Variants in KPNA6 observed in about 807,000 individuals in gnomAD.
The protein encoded by KPNA6 is karyopherin subunit alpha 6, also known as importin subunit alpha-7.
In KPNA6, 9 loss-of-function variants were observed where a neutral mutation model predicts 72.0. The observed-to-expected ratio is 0.13, with a 90% CI of 0.08 to 0.22. The LOEUF (loss-of-function observed/expected upper bound fraction) is 0.22, where lower values mean the gene tolerates loss of function less well. Ranked by LOEUF, KPNA6 falls within the 10% of genes least tolerant of loss-of-function variation. The probability of loss-of-function intolerance (pLI) is 1.00; values close to 1 mark genes in which losing one functional copy is unlikely to be tolerated. For synonymous variants in KPNA6, 219 were observed against 242.1 expected, an observed-to-expected ratio of 0.90 and a Z score of 0.89; for missense variants, 374 against 655.7, an observed-to-expected ratio of 0.57 and a Z score of 4.69.
At chr1:32,118,144 G>C (rs1392868901) in intron 1 of KPNA6, among the ~76,000 whole-genome samples, 1 of 151,798 alleles carries the variant, frequency 6.6e-6, no homozygotes, top group African/African-American at 2.4e-5. Flanking sequence ...GGCTGGTCTC[G>C]AACTCCCAAC....
chr1:32,160,140 T>C (rs1056762951), intron 6 of KPNA6, among the ~76,000 whole-genome samples: 3 of 152,110 alleles, frequency 2.0e-5, no homozygotes, highest in African/African-American at 7.2e-5. Flanking sequence ...CTACTAAAAA[T>C]ACTAAAAAGT....
chr1:32,110,298 CTGGTGATCTG>C (rs1641223725), intron 1 of KPNA6, among the ~76,000 whole-genome samples: 1 of 151,988 alleles, frequency 6.6e-6, no homozygotes, highest in Non-Finnish European at 1.5e-5. Flanking sequence ...CTCCTGACCT[CTGGTGATCTG>C]CCCGTCTCGG....
rs181228820 is a variant in KPNA6, at chr1:32,127,155, A to G, written c.4+19021A>G. 1.7e-4 allele frequency among the ~76,000 whole-genome samples: 26 copies of G among 152,312 alleles called. 1 individual carries two copies. The East Asian group carries it at 2.7e-3, about 16-fold the overall frequency. ...GCGCCATGAGAAATACCCCTGTTTTAGAGAGGCAGAAGCAAGACTAAGATA... is the reference window on the plus strand; with the variant it reads ...GCGCCATGAGAAATACCCCTGTTTTGGAGAGGCAGAAGCAAGACTAAGATA... On this transcript the variant is annotated intron_variant, in intron 1 of 13. Transcript: ENST00000373625.
chr1:32,141,770 C>T (rs1042706715), intron 1 of KPNA6, among the ~76,000 whole-genome samples: 1 of 152,010 alleles, frequency 6.6e-6, no homozygotes, highest in African/African-American at 2.4e-5. Flanking sequence ...CTTCGATTGT[C>T]GCCTTTGCCG....
chr1:32,160,534 A>G, intron 6 of KPNA6, 81 bp from the exon 7 acceptor site: 1 of 1,007,486 alleles, frequency 9.9e-7, no homozygotes, highest in South Asian at 1.3e-5. Flanking sequence ...CCTGGTGGGT[A>G]CTCACTTTGC....
chr1:32,109,743 C>T (rs1476058475), intron 1 of KPNA6, among the ~76,000 whole-genome samples: 2 of 150,344 alleles, frequency 1.3e-5, no homozygotes, highest in African/African-American at 2.4e-5. Context: ...TTCCCGGGTT[C>T]ACGCCATTCT....
rs1032259628 is a variant in KPNA6, at chr1:32,167,282, C to T, written c.1230C>T (p.Thr410=). ...TCACCAATGCCACATCAGGAGGAAC[C>T]CCTGAGCAGATCAGGTATTACATTC... ...WAITNATSGG[T]PEQIRYLVSL... Residue 410 remains threonine, a synonymous_variant, in exon 12 of 14, where the codon ACC becomes ACT. Coordinates refer to ENST00000373625, the MANE Select transcript of KPNA6 (RefSeq NM_012316.5). The T allele has an allele frequency of 1.2e-6, 2 of 1,614,000 alleles. No individual in the cohort carries two copies. Among genetic ancestry groups the T allele is most frequent in the Non-Finnish European group, 1.7e-6 (2 of 1,179,950 alleles).
chr1:32,163,678 G>A (rs1228071867), intron 10 of KPNA6, among the ~76,000 whole-genome samples: 1 of 152,162 alleles, frequency 6.6e-6, no homozygotes, highest in African/African-American at 2.4e-5. Flanking sequence ...AGATCTTTAA[G>A]GTCTCATGGA....
intron 12 of KPNA6, 27 bp downstream of exon 12, chr1:32,167,323 G>A (rs1642357882): frequency 1.9e-6 from 3 of 1,613,318 alleles, no homozygotes; most frequent in Non-Finnish European, 2.5e-6. Context: ...CCGTTGTCTT[G>A]AATGATAATG....
chr1:32,160,654 G>T lies in KPNA6; in HGVS notation c.598G>T (p.Val200Phe). 6.2e-7 allele frequency: 1 copy of T among 1,614,078 alleles called. No homozygotes were observed. Among genetic ancestry groups the T allele is most frequent in the Non-Finnish European group, 8.5e-7 (1 of 1,179,980 alleles). ...ALGNIAGDSS[V>F]CRDYVLNCSI... is the part of the protein sequence containing the mutation. ...GGGAAACATAGCTGGAGATAGCTCT[G>T]TTTGCCGAGATTACGTCTTGAACTG... The change falls in exon 7 of 14, where the codon GTT becomes TTT. Residue 200 changes from valine (V) to phenylalanine (F), a missense_variant. Physicochemically the swap from Val to Phe is conservative, Grantham distance 50 (BLOSUM62 -1). Transcript: ENST00000373625.
At chr1:32,166,029 ACAACAAC>A in intron 10 of KPNA6, 69 bp from the exon 11 acceptor site, 1 of 1,488,660 alleles carries the variant, frequency 6.7e-7, no homozygotes, top group Non-Finnish European at 9.0e-7. Context: ...AACAACAACA[ACAACAAC>A]AAAAAAACAT....
In KPNA6 at chr1:32,156,627, G is replaced by T. The variant is rs530800512; in HGVS notation, c.139-226G>T. ...GCATGCAATTTAAAACTTATGAATT[G>T]TTCATTTCTGGAATTTTCTGTGTAA... On this transcript the variant is annotated intron_variant, in intron 2 of 13. Transcript: ENST00000373625. Among the ~76,000 whole-genome samples the T allele has an allele frequency of 7.9e-5, 12 of 152,280 alleles. No homozygotes were observed. The South Asian group carries it at 2.5e-3, about 32-fold the overall frequency.
chr1:32,139,379 G>T (rs1250011871), intron 1 of KPNA6, among the ~76,000 whole-genome samples: 2 of 152,160 alleles, frequency 1.3e-5, no homozygotes, highest in African/African-American at 2.4e-5. Flanking sequence ...AACAGGAAGT[G>T]CAAAGGCTAT....
chr1:32,167,119 T>G, intron 11 of KPNA6, 50 bp from the exon 12 acceptor site: 1 of 1,599,770 alleles, frequency 6.3e-7, no homozygotes, highest in Non-Finnish European at 8.6e-7. Context: ...TTATTTATCA[T>G]GCTGAAATGA....
At chr1:32,153,661 A>T (rs1218336570) in intron 1 of KPNA6, among the ~76,000 whole-genome samples, 1 of 152,138 alleles carries the variant, frequency 6.6e-6, no homozygotes, top group South Asian at 2.1e-4. Context: ...TAATAACAAC[A>T]TGAAATCTAA....
In KPNA6 at chr1:32,144,436, A is replaced by C. The variant is rs529146291; in HGVS notation, c.5-10152A>C. Among the ~76,000 whole-genome samples, 8 of 152,324 alleles carry C rather than the reference A, an allele frequency of 5.3e-5. No individual in the cohort carries two copies. In the East Asian group the frequency reaches 1.5e-3, roughly 29 times the overall value. On this transcript the variant is annotated intron_variant, in intron 1 of 13. Transcript: ENST00000373625. Reference sequence around the variant, plus strand: ...GGTAACTGACACTCTGCAAAGCAAAACTGAATAAGGGAGAAATCGTATAAA... The same window carrying C: ...GGTAACTGACACTCTGCAAAGCAAACCTGAATAAGGGAGAAATCGTATAAA...
chr1:32,157,075 C>T (rs558499095), intron 3 of KPNA6, 130 bp downstream of exon 3: 9 of 671,692 alleles, frequency 1.3e-5, no homozygotes, highest in South Asian at 1.3e-4. Flanking sequence ...TGGACCCTTT[C>T]GTCAGCTTTA....
intron 1 of KPNA6, among the ~76,000 whole-genome samples, chr1:32,139,436 T>C (rs1036066002): frequency 6.6e-6 from 1 of 152,160 alleles, no homozygotes; most frequent in African/African-American, 2.4e-5. Flanking sequence ...ATATATATTC[T>C]TGGCCAACAA....
At chr1:32,123,693 T>A (rs369787988) in intron 1 of KPNA6, among the ~76,000 whole-genome samples, 2 of 140,528 alleles carry the variant, frequency 1.4e-5, no homozygotes, top group East Asian at 4.2e-4. Context: ...TGAGCCAAGA[T>A]CATGCCACTG....
Sources: gnomAD v4.1 joint callset for allele counts (sites outside exome capture counted in the v4.1 genomes callset) on GRCh38, gnomAD v4.1.1 for gene constraint, MANE v1.5 for transcripts, NCBI Gene and HGNC (gene_info 2026-07-23, HGNC 2026-07-21) for gene names.